Variants in ACOXL observed in about 807,000 individuals in gnomAD.
ACOXL encodes the protein acyl-CoA oxidase like.
Under a neutral mutation model 71.9 loss-of-function variants are expected in ACOXL, and 70 were observed. That is an observed-to-expected ratio of 0.97 (90% CI 0.80 to 1.19). The LOEUF is 1.19. Among genes scored for constraint, ACOXL ranks in the 50% most tolerant of loss-of-function variants. ACOXL has a pLI of 0.00. For synonymous variants in ACOXL, 253 were observed against 281.6 expected, an observed-to-expected ratio of 0.90 and a Z score of 1.02; for missense variants, 703 against 736.3, an observed-to-expected ratio of 0.95 and a Z score of 0.52.
intron 12 of ACOXL, chr2:110,967,704 C>T (rs1403012232): frequency 2.5e-6 from 1 of 402,700 alleles, no homozygotes; most frequent in Non-Finnish European, 4.5e-6. Flanking sequence ...GATATTTCAA[C>T]ACATTTATTT....
intron 10 of ACOXL, among the ~76,000 whole-genome samples, chr2:110,885,982 CAAATCAATCCCCCTTTAAAAATGT>C (rs372917983): frequency 0.021 from 3,203 of 152,232 alleles, 117 homozygotes; most frequent in African/African-American, 0.073. Flanking sequence ...ATATGTTTCT[CAAATCAATCCCCCTTTAAAAATGT>C]AAATCAATGT....
At chr2:110,947,597 G>A (rs946356407) in intron 12 of ACOXL, among the ~76,000 whole-genome samples, 5 of 152,102 alleles carry the variant, frequency 3.3e-5, no homozygotes, top group African/African-American at 4.8e-5. Flanking sequence ...TGAAAGATCC[G>A]AACTCTTTCC....
At chr2:110,941,838 G>A (rs1179395839) in intron 12 of ACOXL, among the ~76,000 whole-genome samples, 1 of 152,036 alleles carries the variant, frequency 6.6e-6, no homozygotes, top group African/African-American at 2.4e-5. Context: ...TCAGGCAGAA[G>A]GAAAATGATA....
At chr2:110,802,809 G>A (rs1686161187) in intron 8 of ACOXL, among the ~76,000 whole-genome samples, 1 of 152,150 alleles carries the variant, frequency 6.6e-6, no homozygotes, top group African/African-American at 2.4e-5. Flanking sequence ...AAGTTCTGGT[G>A]TGATATTGTA....
At chr2:110,846,786 T>TG (rs1691936995) in intron 10 of ACOXL, among the ~76,000 whole-genome samples, 2 of 144,728 alleles carry the variant, frequency 1.4e-5, no homozygotes, top group East Asian at 2.0e-4. Flanking sequence ...TGTGTGTGTG[T>TG]TGGGGGGGGT....
rs56852121 is a variant in ACOXL at position 110,880,153 on chromosome 2, CAA to C, written c.789-28618_789-28617del. Among the ~76,000 whole-genome samples, 500 of 84,738 alleles carry C rather than the reference CAA, an allele frequency of 5.9e-3. 2 individuals are homozygous for C. Among genetic ancestry groups the C allele is most frequent in the African/African-American group, 0.017 (359 of 20,536 alleles). 55.6% of individuals were successfully genotyped at this position (84,738 alleles called of 152,430 possible). The stretch of plus-strand genomic sequence containing the variant: ...CGACAGAGTGAGACTCTGTCACAAA[CAA>C]AAAAAAAAAAAAAAAAAGAAAAGAA... On this transcript the variant is annotated intron_variant, in intron 10 of 17. Transcript: ENST00000439055.
chr2:110,755,249 A>G (rs1466542704), intron 1 of ACOXL, among the ~76,000 whole-genome samples: 2 of 152,162 alleles, frequency 1.3e-5, no homozygotes, highest in Non-Finnish European at 2.9e-5. Context: ...CCCAGAACTG[A>G]TGCCATAAAC....
chr2:110,872,187 C>T (rs2149045264), intron 10 of ACOXL, among the ~76,000 whole-genome samples: 1 of 152,230 alleles, frequency 6.6e-6, no homozygotes. Context: ...CCCTGGGTGC[C>T]AAGAAGGAGT....
chr2:110,932,295 T>G (rs1265954934), intron 11 of ACOXL, among the ~76,000 whole-genome samples: 1 of 152,196 alleles, frequency 6.6e-6, no homozygotes, highest in Non-Finnish European at 1.5e-5. Flanking sequence ...ACATGAGGCA[T>G]TTTGTTCTGT....
intron 14 of ACOXL, among the ~76,000 whole-genome samples, chr2:111,030,531 C>T (rs917979610): frequency 6.6e-6 from 1 of 152,122 alleles, no homozygotes; most frequent in South Asian, 2.1e-4. Context: ...CTTTCAGCAG[C>T]GCTGTTTTTC....
intron 9 of ACOXL, among the ~76,000 whole-genome samples, chr2:110,828,299 C>T (rs1212019522): frequency 6.6e-6 from 1 of 152,170 alleles, no homozygotes; most frequent in Non-Finnish European, 1.5e-5. Flanking sequence ...TAGATATTTA[C>T]ATTATTTCAA....
intron 9 of ACOXL, among the ~76,000 whole-genome samples, chr2:110,829,932 T>C (rs1016645942): frequency 2.0e-5 from 3 of 152,226 alleles, no homozygotes; most frequent in Non-Finnish European, 4.4e-5. Flanking sequence ...TGAGCCCTAC[T>C]TTTGAGTGTT....
In ACOXL at chr2:110,771,105, A is replaced by T. The variant is rs552666487; in HGVS notation, c.75+2641A>T. 2.6e-5 allele frequency among the ~76,000 whole-genome samples: 4 copies of T among 152,296 alleles called. No homozygotes were observed. The East Asian group carries it at 5.8e-4, about 22-fold the overall frequency. Reference sequence around the variant, plus strand: ...ATCCCTCCAGTCATTTCTGTGAATTATCTCGGCCTGTTTGGCACCTCTCTC... The same window carrying T: ...ATCCCTCCAGTCATTTCTGTGAATTTTCTCGGCCTGTTTGGCACCTCTCTC... On this transcript the variant is annotated intron_variant, in intron 2 of 17. Transcript: ENST00000439055.
intron 14 of ACOXL, among the ~76,000 whole-genome samples, chr2:111,021,923 G>A (rs1033708067): frequency 2.0e-5 from 3 of 151,664 alleles, no homozygotes; most frequent in African/African-American, 4.8e-5. Flanking sequence ...AGAAAAACAC[G>A]GCAAAATTAA....
chr2:110,997,191 A>G (rs1266046743), intron 14 of ACOXL, among the ~76,000 whole-genome samples: 1 of 152,252 alleles, frequency 6.6e-6, no homozygotes, highest in Non-Finnish European at 1.5e-5. Flanking sequence ...GGCTAAAGAC[A>G]AAACGATAAG....
intron 1 of ACOXL, among the ~76,000 whole-genome samples, chr2:110,735,976 C>T (rs1421950907): frequency 2.6e-5 from 4 of 152,094 alleles, no homozygotes; most frequent in Non-Finnish European, 5.9e-5. Flanking sequence ...TCTCTCAGGG[C>T]CTTCTCACAC....
intron 16 of ACOXL, among the ~76,000 whole-genome samples, chr2:111,086,402 G>A (rs140449069): frequency 8.1e-4 from 124 of 152,278 alleles, no homozygotes; most frequent in African/African-American, 2.9e-3. Context: ...TGCTAGGTTG[G>A]TTCAACATAC....
rs543241121 is a variant in ACOXL, at chr2:111,023,134, G to A, written c.1282-8493G>A. On this transcript the variant is annotated intron_variant, in intron 14 of 17. Transcript: ENST00000439055. The stretch of plus-strand genomic sequence containing the variant: ...TCGCAAAAGCTGACATCCAGGCTCC[G>A]AGACGTCCTTCTGTCTACCAGGTGG... 3.9e-5 allele frequency among the ~76,000 whole-genome samples: 6 copies of A among 152,312 alleles called. No homozygotes were observed. The South Asian group carries it at 6.2e-4, about 16-fold the overall frequency.
intron 14 of ACOXL, among the ~76,000 whole-genome samples, 171 bp from the exon 15 acceptor site, chr2:111,031,456 C>T (rs1476739202): frequency 6.6e-6 from 1 of 152,132 alleles, no homozygotes; most frequent in East Asian, 1.9e-4. Context: ...GATATTTATT[C>T]ATCTAACAAG....
Sources: gnomAD v4.1 joint callset for allele counts (sites outside exome capture counted in the v4.1 genomes callset) on GRCh38, gnomAD v4.1.1 for gene constraint, MANE v1.5 for transcripts, NCBI Gene and HGNC (gene_info 2026-07-23, HGNC 2026-07-21) for gene names.